TNFAIP8: variants seen among roughly 807,000 people sequenced by gnomAD.
TNFAIP8 encodes the protein TNF alpha induced protein 8.
TNFAIP8 carries 7 observed loss-of-function variants against 13.3 expected under a neutral mutation model. The ratio of observed to expected loss-of-function variants is 0.52; its 90% CI spans 0.30 to 0.99. TNFAIP8 has a LOEUF of 0.99. TNFAIP8 is among the 50% of genes least tolerant of loss of function. The probability of loss-of-function intolerance (pLI) is 0.07; values close to 1 mark genes in which losing one functional copy is unlikely to be tolerated. For missense variants in TNFAIP8, 258 were observed against 236.9 expected, an observed-to-expected ratio of 1.09 and a Z score of -0.58; for synonymous variants, 94 against 87.6, an observed-to-expected ratio of 1.07 and a Z score of -0.41.
chr5:119,297,858 T>C (rs1176180433), intron 1 of TNFAIP8, among the ~76,000 whole-genome samples: 1 of 152,230 alleles, frequency 6.6e-6, no homozygotes, highest in East Asian at 1.9e-4. Flanking sequence ...TACCATTGTG[T>C]AATGGCCTTC....
chr5:119,279,555 T>A (rs761900593), intron 1 of TNFAIP8, among the ~76,000 whole-genome samples: 2 of 152,186 alleles, frequency 1.3e-5, no homozygotes, highest in African/African-American at 4.8e-5. Flanking sequence ...TATTTTGTTA[T>A]TTTATTTTTT....
At chr5:119,279,556 T>C (rs1403472238) in intron 1 of TNFAIP8, among the ~76,000 whole-genome samples, 1 of 152,168 alleles carries the variant, frequency 6.6e-6, no homozygotes, top group Non-Finnish European at 1.5e-5. Flanking sequence ...ATTTTGTTAT[T>C]TTATTTTTTT....
At chr5:119,379,035 C>T (rs1331401321) in intron 1 of TNFAIP8, among the ~76,000 whole-genome samples, 3 of 152,142 alleles carry the variant, frequency 2.0e-5, no homozygotes, top group Non-Finnish European at 4.4e-5. Flanking sequence ...TGCACTCCAA[C>T]CTGGATGACA....
At chr5:119,302,545 C>A (rs1229480757) in intron 1 of TNFAIP8, among the ~76,000 whole-genome samples, 2 of 152,152 alleles carry the variant, frequency 1.3e-5, no homozygotes, top group African/African-American at 4.8e-5. Context: ...CTCTGCTGAA[C>A]TGTCAAATTA....
chr5:119,327,609 C>T (rs1750260485), intron 1 of TNFAIP8, among the ~76,000 whole-genome samples: 1 of 152,142 alleles, frequency 6.6e-6, no homozygotes, highest in South Asian at 2.1e-4. Flanking sequence ...CAGGTGCCCA[C>T]TACCACGCCT....
chr5:119,307,705 G>A (rs1749609716), intron 1 of TNFAIP8, among the ~76,000 whole-genome samples: 1 of 152,180 alleles, frequency 6.6e-6, no homozygotes, highest in South Asian at 2.1e-4. Flanking sequence ...GCGTTAAATT[G>A]TGCATCTTAC....
At chr5:119,328,196 C>T (rs1562002609) in intron 1 of TNFAIP8, among the ~76,000 whole-genome samples, 2 of 152,132 alleles carry the variant, frequency 1.3e-5, no homozygotes, top group South Asian at 2.1e-4. Context: ...AGAGCAGAAA[C>T]GCTCTTATCT....
At chr5:119,381,155 G>A (rs1420375692) in intron 1 of TNFAIP8, among the ~76,000 whole-genome samples, 1 of 152,188 alleles carries the variant, frequency 6.6e-6, no homozygotes. Context: ...GAGGCCTCCG[G>A]CGCTTCTGTG....
chr5:119,340,881 G>C (rs1259409192), intron 1 of TNFAIP8, among the ~76,000 whole-genome samples: 1 of 152,120 alleles, frequency 6.6e-6, no homozygotes, highest in African/African-American at 2.4e-5. Flanking sequence ...CCGAATAGAG[G>C]GGTCGTTTCC....
intron 1 of TNFAIP8, among the ~76,000 whole-genome samples, chr5:119,320,266 T>G (rs1016424763): frequency 1.3e-5 from 2 of 152,210 alleles, no homozygotes; most frequent in African/African-American, 4.8e-5. Flanking sequence ...TCAGGGTCCC[T>G]AAAGGCTTTT....
chr5:119,355,747 GTGT>G (rs1751373617), upstream of TNFAIP8: 1 of 256,714 alleles, frequency 3.9e-6, no homozygotes, highest in African/African-American at 2.3e-5. Context: ...TCTCGGCCCT[GTGT>G]CTCGGGAGAG....
chr5:119,294,716 T>G (rs1749113080), intron 1 of TNFAIP8, among the ~76,000 whole-genome samples: 1 of 152,176 alleles, frequency 6.6e-6, no homozygotes. Context: ...TTTCCTGACT[T>G]TTTAATGATT....
chr5:119,393,560 T>C lies in TNFAIP8; in HGVS notation c.*179T>C, dbSNP rs1752984724. ...CTTGTTTTATTTGAAGAAAAGCATA[T>C]TGCCAAAAATTCTGGTTAAAAGCTT... On this transcript the variant is annotated 3_prime_UTR_variant, in exon 2 of 2. Transcript: ENST00000504771. 1 of 702,906 alleles carries C rather than the reference T, an allele frequency of 1.4e-6. No individual in the cohort carries two copies. The highest frequency in any genetic ancestry group is 2.1e-5 in the South Asian group (1 of 48,414). The allele number at this position is 702,906 out of a possible 1,614,324, so 43.5% of individuals were successfully genotyped here.
intron 1 of TNFAIP8, among the ~76,000 whole-genome samples, chr5:119,377,292 A>G (rs1186288256): frequency 6.6e-6 from 1 of 152,098 alleles, no homozygotes; most frequent in Non-Finnish European, 1.5e-5. Flanking sequence ...GGTCCCAGCT[A>G]CTTAGGAGGC....
chr5:119,292,682 ATATACACACACACAC>A, intron 1 of TNFAIP8, among the ~76,000 whole-genome samples: 2 of 41,178 alleles, frequency 4.9e-5, no homozygotes, highest in Non-Finnish European at 1.2e-4. Flanking sequence ...ATATATATAT[ATATACACACACACAC>A]AATGAAATAC....
chr5:119,375,338 GT>G (rs1383993487), intron 1 of TNFAIP8, among the ~76,000 whole-genome samples: 1 of 152,230 alleles, frequency 6.6e-6, no homozygotes, highest in East Asian at 1.9e-4. Flanking sequence ...GAGATGTGGA[GT>G]GGTGGACTTT....
At chr5:119,284,554 G>A (rs755943662) in intron 1 of TNFAIP8, among the ~76,000 whole-genome samples, 16 of 151,986 alleles carry the variant, frequency 1.1e-4, no homozygotes, top group Non-Finnish European at 1.5e-4. Flanking sequence ...GGTGGTGCAC[G>A]CCTGTAGTCC....
intron 1 of TNFAIP8, among the ~76,000 whole-genome samples, chr5:119,280,412 T>C (rs1051039818): frequency 1.3e-5 from 2 of 148,590 alleles, no homozygotes; most frequent in East Asian, 3.9e-4. Context: ...TTTTTTTTTT[T>C]AATTTGTTGC....
chr5:119,347,278 T>C (rs1385887511), intron 1 of TNFAIP8, among the ~76,000 whole-genome samples: 1 of 152,160 alleles, frequency 6.6e-6, no homozygotes, highest in Non-Finnish European at 1.5e-5. Flanking sequence ...CATAAAATCA[T>C]TAGGGGGAAT....
Sources: gnomAD v4.1 joint callset for allele counts (sites outside exome capture counted in the v4.1 genomes callset) on GRCh38, gnomAD v4.1.1 for gene constraint, MANE v1.5 for transcripts, NCBI Gene and HGNC (gene_info 2026-07-23, HGNC 2026-07-21) for gene names.